Variants in PAK1 observed in about 807,000 individuals in gnomAD.
PAK1 encodes the protein serine/threonine-protein kinase PAK 1.
PAK1 carries 29 observed loss-of-function variants against 67.4 expected under a neutral mutation model. The observed-to-expected ratio is 0.43, with a 90% CI of 0.32 to 0.59. PAK1 has a LOEUF of 0.59. PAK1 is among the 20% of genes least tolerant of loss of function. The pLI, the probability that PAK1 is intolerant of heterozygous loss-of-function variation, is 0.07. For synonymous variants in PAK1, 223 were observed against 237.4 expected (o/e 0.94, Z 0.56); for missense variants, 337 against 670.7 (o/e 0.50, Z 5.50).
At chr11:77,438,613 G>A (rs1369389932) in intron 1 of PAK1, among the ~76,000 whole-genome samples, 2 of 152,100 alleles carry the variant, frequency 1.3e-5, no homozygotes, top group Non-Finnish European at 2.9e-5. Flanking sequence ...AAGGTACACA[G>A]GTCACATGGC....
chr11:77,421,548 G>T (rs1955264064), intron 1 of PAK1, among the ~76,000 whole-genome samples: 1 of 152,184 alleles, frequency 6.6e-6, no homozygotes, highest in South Asian at 2.1e-4. Flanking sequence ...CAAAGGCAAA[G>T]ACTTTGTCTT....
chr11:77,421,940 A>G (rs891495959), intron 1 of PAK1, among the ~76,000 whole-genome samples: 7 of 152,218 alleles, frequency 4.6e-5, no homozygotes, highest in African/African-American at 1.7e-4. Context: ...AAGTTACTGC[A>G]TAATCCCATA....
chr11:77,507,781 C>T, the PAK1 span, among the ~76,000 whole-genome samples: 1 of 152,194 alleles, frequency 6.6e-6, no homozygotes, highest in Non-Finnish European at 1.5e-5. Flanking sequence ...TCACCTTGGC[C>T]TCCCAAAGCA....
At chr11:77,443,514 A>G (rs1956456702) in intron 1 of PAK1, among the ~76,000 whole-genome samples, 1 of 152,060 alleles carries the variant, frequency 6.6e-6, no homozygotes, top group African/African-American at 2.4e-5. Flanking sequence ...AAGAAGCCAT[A>G]ATCACCAGTG....
At chr11:77,520,009 C>CT in the PAK1 span, among the ~76,000 whole-genome samples, 17 of 152,180 alleles carry the variant, frequency 1.1e-4, no homozygotes, top group South Asian at 1.7e-3. Context: ...GTGGCCCCCC[C>CT]CTCCGCCCGT....
At chr11:77,364,498 CACAG>C (rs1947238812) in intron 5 of PAK1, among the ~76,000 whole-genome samples, 1 of 152,098 alleles carries the variant, frequency 6.6e-6, no homozygotes, top group Non-Finnish European at 1.5e-5. Context: ...CATCAATGAC[CACAG>C]ACAGAGACTA....
chr11:77,466,231 C>A (rs138069533), intron 1 of PAK1, among the ~76,000 whole-genome samples: 1 of 152,202 alleles, frequency 6.6e-6, no homozygotes, highest in African/African-American at 2.4e-5. Context: ...AAATTCAACA[C>A]ATTTATATGA....
rs142886846 is a variant in PAK1, at chr11:77,462,071, A to G, written c.-22+11481T>C. 8.6e-3 allele frequency among the ~76,000 whole-genome samples: 1,303 copies of G among 152,294 alleles called. 17 individuals are homozygous for G. Among genetic ancestry groups the G allele is most frequent in the Middle Eastern group, 0.034 (10 of 294 alleles). On this transcript the variant is annotated intron_variant, in intron 1 of 14. Transcript: ENST00000356341. ...GCCGGGCGCTGTGGCTCACGCCTGTAATCCCAGCACTTTGGGAGGCCGAAG... is the reference window on the plus strand; with the variant it reads ...GCCGGGCGCTGTGGCTCACGCCTGTGATCCCAGCACTTTGGGAGGCCGAAG...
At chr11:77,348,744 T>G (rs1591820188) in intron 9 of PAK1, among the ~76,000 whole-genome samples, 4 of 152,188 alleles carry the variant, frequency 2.6e-5, no homozygotes, top group African/African-American at 9.6e-5. Flanking sequence ...TCCACTTCCC[T>G]CCATCTAACT....
chr11:77,383,607 G>A (rs996634275), intron 2 of PAK1, among the ~76,000 whole-genome samples: 5 of 152,144 alleles, frequency 3.3e-5, no homozygotes, highest in Non-Finnish European at 7.3e-5. Flanking sequence ...TTACAGGCAT[G>A]AGCCACCACG....
chr11:77,328,227 G>A (rs1241716579), intron 14 of PAK1, among the ~76,000 whole-genome samples: 6 of 152,110 alleles, frequency 3.9e-5, no homozygotes. Flanking sequence ...ACAGATCAAC[G>A]AGACAGAAAG....
At chr11:77,491,385 T>C in the PAK1 span, among the ~76,000 whole-genome samples, 3 of 151,878 alleles carry the variant, frequency 2.0e-5, no homozygotes, top group Admixed American at 6.6e-5. Context: ...AGAAGTTAGA[T>C]GGAAATGGTG....
chr11:77,488,253 T>C, the PAK1 span, among the ~76,000 whole-genome samples: 1 of 151,958 alleles, frequency 6.6e-6, no homozygotes, highest in African/African-American at 2.4e-5. Flanking sequence ...ATGGCTGTAG[T>C]GATTTAAAAA....
intron 1 of PAK1, among the ~76,000 whole-genome samples, chr11:77,467,545 T>C (rs561303783): frequency 1.3e-5 from 2 of 152,356 alleles, no homozygotes; most frequent in East Asian, 3.9e-4. Context: ...ATTGTTAATA[T>C]AAGGCAGTGC....
chr11:77,416,757 T>C (rs1394083512), intron 1 of PAK1, among the ~76,000 whole-genome samples: 2 of 152,086 alleles, frequency 1.3e-5, no homozygotes, highest in Non-Finnish European at 2.9e-5. Flanking sequence ...ATCAAGACCA[T>C]CCTGGCTAAC....
intron 7 of PAK1, among the ~76,000 whole-genome samples, chr11:77,354,973 T>A (rs1945804168): frequency 6.6e-6 from 1 of 152,156 alleles, no homozygotes; most frequent in Admixed American, 6.5e-5. Flanking sequence ...CTAAAGAAAG[T>A]AAAATGGAAG....
At chr11:77,507,986 C>T in the PAK1 span, among the ~76,000 whole-genome samples, 1 of 152,158 alleles carries the variant, frequency 6.6e-6, no homozygotes, top group Non-Finnish European at 1.5e-5. Flanking sequence ...CCTTCATGCC[C>T]CTTATCAGTC....
chr11:77,444,286 TAAAAAAAAAAA>T (rs142183219), intron 1 of PAK1, among the ~76,000 whole-genome samples: 2 of 116,794 alleles, frequency 1.7e-5, no homozygotes, highest in East Asian at 5.6e-4. Context: ...TGGAGAGCTC[TAAAAAAAAAAA>T]AAAAAAAACC....
intron 1 of PAK1, among the ~76,000 whole-genome samples, chr11:77,457,685 G>A (rs1957141881): frequency 1.3e-5 from 2 of 152,072 alleles, no homozygotes; most frequent in South Asian, 2.1e-4. Flanking sequence ...ACACCCAGTC[G>A]GCAGCCCAAA....
Sources: gnomAD v4.1 joint callset for allele counts (sites outside exome capture counted in the v4.1 genomes callset) on GRCh38, gnomAD v4.1.1 for gene constraint, MANE v1.5 for transcripts, NCBI Gene and HGNC (gene_info 2026-07-23, HGNC 2026-07-21) for gene names.